Variants in CRTC2 observed in about 807,000 individuals in gnomAD.
The protein encoded by CRTC2 is CREB regulated transcription coactivator 2.
CRTC2 carries 25 observed loss-of-function variants against 70.9 expected under a neutral mutation model. The observed-to-expected ratio is 0.35, with a 90% confidence interval of 0.26 to 0.49. The LOEUF is 0.49. Ranked by LOEUF, CRTC2 falls within the 20% of genes least tolerant of loss-of-function variation. The pLI is 0.98. For synonymous variants in CRTC2, 330 were observed against 364.1 expected (o/e 0.91, Z 1.07); for missense variants, 737 against 882.6 (o/e 0.83, Z 2.09).
intron 11 of CRTC2, among the ~76,000 whole-genome samples, chr1:153,950,635 G>A (rs1315624737): frequency 6.6e-5 from 10 of 152,218 alleles, no homozygotes; most frequent in Admixed American, 6.5e-4. Context: ...AGAGCTTCGA[G>A]TTCTAGTCTC....
Position 153,954,887 on chromosome 1 carries a change from G to A in CRTC2, c.358C>T (p.Arg120Ter). The change falls in exon 3 of 14, where the codon CGA becomes TGA. Residue 120 changes from arginine (R) to a stop codon, truncating the protein, a stop_gained. Transcript: ENST00000368633. LOFTEE classifies it high-confidence loss of function. ...GTGAAGGATATGTGGCGGGTGTATC[G>A]GCGAAGTGGGGACACCATTCTTCGA... is the stretch of plus-strand genomic sequence containing the variant. ...DPRRMVSPLR[R>*]YTRHIDSSPY... 5 of 1,612,980 alleles carry A rather than the reference G, an allele frequency of 3.1e-6. No homozygotes were observed. The highest frequency in any genetic ancestry group is 1.1e-5 in the South Asian group (1 of 91,010).
chr1:153,955,504 T>C (rs1336781590), intron 1 of CRTC2, among the ~76,000 whole-genome samples: 1 of 144,752 alleles, frequency 6.9e-6, no homozygotes, highest in East Asian at 2.0e-4. Flanking sequence ...GAGGTGGAGG[T>C]TGCAGTAAGC....
chr1:153,950,684 C>G (rs1680271245), intron 11 of CRTC2, among the ~76,000 whole-genome samples: 1 of 152,198 alleles, frequency 6.6e-6, no homozygotes, highest in Admixed American at 6.5e-5. Context: ...GGAAAAGTCA[C>G]TTTCCCTCTA....
Position 153,958,590 on chromosome 1 carries a change from G to T in CRTC2, c.-93C>A. On this transcript the variant is annotated 5_prime_UTR_variant, in exon 1 of 14. Coordinates refer to ENST00000368633, the MANE Select transcript of CRTC2 (RefSeq NM_181715.3). ...GGCTCCTCCAGCCGTAGCCACCGCCGCCTCAGCGAGCACCGCGAACCCGGC... is the reference window on the plus strand; with the variant it reads ...GGCTCCTCCAGCCGTAGCCACCGCCTCCTCAGCGAGCACCGCGAACCCGGC... 2 of 1,291,252 alleles carry T rather than the reference G, an allele frequency of 1.5e-6. No homozygotes were observed. Among genetic ancestry groups the T allele is most frequent in the Non-Finnish European group, 2.1e-6 (2 of 958,474 alleles). 80.0% of individuals were successfully genotyped at this position (1,291,252 alleles called of 1,614,324 possible).
rs564104982 is a variant in CRTC2 at position 153,947,876 on chromosome 1, C to T, written c.*233G>A. On this transcript the variant is annotated 3_prime_UTR_variant, in exon 14 of 14. Coordinates refer to ENST00000368633, the MANE Select transcript of CRTC2 (RefSeq NM_181715.3). ...GGCTCTGACCTCCAGACAGACGGTTCAAAGTTACAAGTGCTTTAGGCCCTC... is the reference window on the plus strand; with the variant it reads ...GGCTCTGACCTCCAGACAGACGGTTTAAAGTTACAAGTGCTTTAGGCCCTC... 810 of 569,000 alleles carry T rather than the reference C, an allele frequency of 1.4e-3. 5 individuals carry two copies. Among genetic ancestry groups the T allele is most frequent in the Middle Eastern group, 5.7e-3 (12 of 2,118 alleles). The allele number at this position is 569,000 out of a possible 1,614,324, so 35.2% of individuals were successfully genotyped here.
intron 3 of CRTC2, 45 bp from the exon 4 acceptor site, chr1:153,954,361 A>G: frequency 7.1e-7 from 1 of 1,399,394 alleles, no homozygotes; most frequent in Non-Finnish European, 1.0e-6. Context: ...GACAGATGAG[A>G]GAGGCCAAAT....
In CRTC2 at chr1:153,958,420, A is replaced by T. The variant is rs764282511; in HGVS notation, c.78T>A (p.Ile26=). 3 of 1,613,448 alleles carry T rather than the reference A, an allele frequency of 1.9e-6. No individual in the cohort carries two copies. The South Asian group carries it at 3.3e-5, about 18-fold the overall frequency. The change falls in exon 1 of 14, where the codon ATT becomes ATA. Residue 26 remains isoleucine (I), a synonymous_variant. Coordinates refer to ENST00000368633, the MANE Select transcript of CRTC2 (RefSeq NM_181715.3). ...ASNPRKFSEK[I]ALQKQRQAEE... ...CGGCCTGACGCTGCTTCTGCAGCGC[A>T]ATCTTCTCACTAAATTTGCGCGGAT... is the stretch of plus-strand genomic sequence containing the variant.
chr1:153,955,566 CAAA>C (rs767615432), intron 1 of CRTC2, among the ~76,000 whole-genome samples: 1 of 41,886 alleles, frequency 2.4e-5, no homozygotes, highest in Non-Finnish European at 4.4e-5. Flanking sequence ...GACTCTGTCT[CAAA>C]AAAAAAAAAA....
chr1:153,957,930 G>C, intron 1 of CRTC2: 6 of 666,410 alleles, frequency 9.0e-6, no homozygotes, highest in Non-Finnish European at 1.2e-5. Flanking sequence ...GACCAGTTTG[G>C]AGGAGATCAC....
At chr1:153,951,782 C>T in intron 10 of CRTC2, 116 bp from the exon 11 acceptor site, 1 of 1,186,904 alleles carries the variant, frequency 8.4e-7, no homozygotes, top group Non-Finnish European at 1.2e-6. Flanking sequence ...CAACGTCCTC[C>T]CTACTCTATC....
At chr1:153,948,939 AG>A (rs1317846631) in intron 12 of CRTC2, 175 bp downstream of exon 12, 7 of 775,700 alleles carry the variant, frequency 9.0e-6, no homozygotes, top group Non-Finnish European at 1.6e-5. Flanking sequence ...GGTCAAACGC[AG>A]GAAGAGAGGA....
chr1:153,952,028 A>G lies in CRTC2; in HGVS notation c.987T>C (p.Tyr329=). The change falls in exon 10 of 14, where the codon TAT becomes TAC. Residue 329 remains tyrosine, a synonymous_variant. Coordinates refer to ENST00000368633, the MANE Select transcript of CRTC2 (RefSeq NM_181715.3). ...ISRGMGLGPG[Y]DAPGLHSPLS... is the part of the protein sequence containing the mutation. ...AGGACAGTCACTCACCTGGTGCATCATAGCCTGGGCCCAGGCCCATGCCCC... is the reference window on the plus strand; with the variant it reads ...AGGACAGTCACTCACCTGGTGCATCGTAGCCTGGGCCCAGGCCCATGCCCC... The G allele has an allele frequency of 6.2e-7, 1 of 1,613,404 alleles. No individual in the cohort carries two copies. The highest frequency in any genetic ancestry group is 1.3e-5 in the African/African-American group (1 of 75,014).
Position 153,948,030 on chromosome 1 carries a change from C to G in CRTC2, c.*79G>C. On this transcript the variant is annotated 3_prime_UTR_variant, in exon 14 of 14. Coordinates refer to ENST00000368633, the MANE Select transcript of CRTC2 (RefSeq NM_181715.3). ...AGGATCTGGGGACAGAGAGTAGAGTCTCTACCTGCCAGGGGGAAGGGAGGA... is the reference window on the plus strand; with the variant it reads ...AGGATCTGGGGACAGAGAGTAGAGTGTCTACCTGCCAGGGGGAAGGGAGGA... 1 of 1,344,616 alleles carries G rather than the reference C, an allele frequency of 7.4e-7. No individual in the cohort carries two copies. The highest frequency in any genetic ancestry group is 1.1e-6 in the Non-Finnish European group (1 of 948,524). The allele number at this position is 1,344,616 out of a possible 1,614,324, so 83.3% of individuals were successfully genotyped here.
intron 5 of CRTC2, 40 bp downstream of exon 5, chr1:153,953,498 C>T (rs1419485261): frequency 6.3e-7 from 1 of 1,587,166 alleles, no homozygotes; most frequent in South Asian, 1.1e-5. Flanking sequence ...CCAGAAACTA[C>T]AGATAAGAGA....
rs1425084953 is a variant in CRTC2, at chr1:153,953,342, T to C, written c.531A>G (p.Thr177=). The stretch of plus-strand genomic sequence containing the variant: ...CCTGGGGACTGGGGTTCATCACACT[T>C]GTATGAAGGGCAGAGTCAGAGCTTG... ...NRTSSDSALH[T]SVMNPSPQDT... The change falls in exon 6 of 14, where the codon ACA becomes ACG. Residue 177 remains threonine, a synonymous_variant. Transcript: ENST00000368633. 3 of 1,603,086 alleles carry C rather than the reference T, an allele frequency of 1.9e-6. No homozygotes were observed. The highest frequency in any genetic ancestry group is 1.4e-5 in the African/African-American group (1 of 74,066).
At chr1:153,958,266 G>A in intron 1 of CRTC2, 79 bp downstream of exon 1, 1 of 1,528,854 alleles carries the variant, frequency 6.5e-7, no homozygotes, top group South Asian at 1.2e-5. Flanking sequence ...TCGCTGCGGC[G>A]CCCGCCCCCG....
Position 153,952,171 on chromosome 1 carries a change from G to C in CRTC2, c.844C>G (p.His282Asp), listed in dbSNP as rs766309724. Residue 282 changes from histidine (H) to aspartate (D), a missense_variant, in exon 10 of 14, where the codon CAC (histidine) becomes GAC (aspartate). By Grantham distance (81) the His-to-Asp change is moderately conservative. Transcript: ENST00000368633. ...GGSLPDLTNL[H>D]FPPPLPTPLD... ...GGGGTGGGCAGTGGTGGGGGAAAGT[G>C]CAGGTTGGTGAGGTCAGGTAGGGAG... 1 of 1,614,068 alleles carries C rather than the reference G, an allele frequency of 6.2e-7. No individual in the cohort carries two copies. Among genetic ancestry groups the C allele is most frequent in the South Asian group, 1.1e-5 (1 of 91,080 alleles).
chr1:153,952,670 A>G, intron 7 of CRTC2, 35 bp from the exon 8 acceptor site: 1 of 1,612,850 alleles, frequency 6.2e-7, no homozygotes, highest in Non-Finnish European at 8.5e-7. Flanking sequence ...GGAGAGTTGG[A>G]GAAAGAGCCA....
rs200292489 is a variant in CRTC2 at position 153,949,137 on chromosome 1, A to G, written c.1652T>C (p.Met551Thr). The stretch of plus-strand genomic sequence containing the variant: ...CACATTCCCCAGGTTGAAGTCACTC[A>G]TTGGCCGGTGGTAAGACTGTTGCCC... ...GHGQQSYHRP[M>T]SDFNLGNLEQ... The change falls in exon 12 of 14, where the codon ATG becomes ACG. Residue 551 changes from methionine (M) to threonine (T), a missense_variant. Transcript: ENST00000368633. 1.2e-6 allele frequency: 2 copies of G among 1,610,670 alleles called. No individual in the cohort carries two copies. The highest frequency in any genetic ancestry group is 2.2e-5 in the East Asian group (1 of 44,842).
Sources: allele counts gnomAD v4.1 joint callset (sites outside exome capture counted in the v4.1 genomes callset), GRCh38; gene constraint gnomAD v4.1.1; transcripts MANE v1.5; gene names NCBI Gene and HGNC (gene_info 2026-07-23, HGNC 2026-07-21).